FARS2: variants seen among roughly 807,000 people sequenced by gnomAD.
FARS2 encodes the protein phenylalanine--tRNA ligase, mitochondrial.
A neutral mutation model predicts 46.4 loss-of-function variants in FARS2; 40 were observed. That is an observed-to-expected ratio of 0.86 (90% CI 0.67 to 1.12). The LOEUF (loss-of-function observed/expected upper bound fraction) is 1.12, where lower values mean the gene tolerates loss of function less well. Among genes scored for constraint, FARS2 ranks in the 50% most tolerant of loss-of-function variants. The probability of loss-of-function intolerance (pLI) is 0.00; values close to 1 mark genes in which losing one functional copy is unlikely to be tolerated. For synonymous variants in FARS2, 234 were observed against 214.9 expected (o/e 1.09, Z -0.78); for missense variants, 513 against 567.9 (o/e 0.90, Z 0.98).
rs375460524 is a variant in FARS2 at position 5,369,109 on chromosome 6, G to A, written c.539G>A (p.Arg180His). ...CTGGTGGTGGGTGATGTCTACAGGC[G>A]TGACCAGATCGACTCCCAGCACTAC... The part of the protein sequence containing the change: ...AFLVVGDVYR[R>H]DQIDSQHYPI... The change falls in exon 2 of 7, where the codon CGT (arginine) becomes CAT (histidine). Residue 180 changes from arginine (R) to histidine (H), a missense_variant. By Grantham distance (29) the Arg-to-His change is conservative. Transcript: ENST00000274680. 9.9e-6 allele frequency: 16 copies of A among 1,613,550 alleles called. No individual in the cohort carries two copies. Among genetic ancestry groups the A allele is most frequent in the South Asian group, 8.8e-5 (8 of 91,068 alleles).
chr6:5,534,627 T>G (rs1275688587), intron 4 of FARS2, among the ~76,000 whole-genome samples: 1 of 152,220 alleles, frequency 6.6e-6, no homozygotes, highest in Non-Finnish European at 1.5e-5. Flanking sequence ...TTCCATTGTG[T>G]GTAAGTAACA....
intron 6 of FARS2, among the ~76,000 whole-genome samples, chr6:5,763,772 T>G (rs1051616560): frequency 3.3e-5 from 5 of 151,264 alleles, no homozygotes; most frequent in Non-Finnish European, 5.9e-5. Flanking sequence ...CTTTTGGTTT[T>G]TTTTTTTTTT....
intron 2 of FARS2, among the ~76,000 whole-genome samples, chr6:5,389,645 T>C (rs1482473674): frequency 6.6e-6 from 1 of 152,158 alleles, no homozygotes; most frequent in African/African-American, 2.4e-5. Flanking sequence ...GTGAAATTGG[T>C]GATACGGTAG....
In FARS2 at chr6:5,758,728, G is replaced by A. The variant is rs190676129; in HGVS notation, c.1218-12563G>A. Reference sequence around the variant, plus strand: ...ATTTGTAAATTCTGAGATGAGTTTGGGCAAATCGCTGTCTCTGGAAGCTTC... The same window carrying A: ...ATTTGTAAATTCTGAGATGAGTTTGAGCAAATCGCTGTCTCTGGAAGCTTC... On this transcript the variant is annotated intron_variant, in intron 6 of 6. Transcript: ENST00000274680. Among the ~76,000 whole-genome samples, 6 of 152,226 alleles carry A rather than the reference G, an allele frequency of 3.9e-5. No homozygotes were observed. In the East Asian group the frequency reaches 1.2e-3, roughly 29 times the overall value.
chr6:5,730,814 T>C lies in FARS2; in HGVS notation c.1218-40477T>C, dbSNP rs140771209. 1.8e-3 allele frequency among the ~76,000 whole-genome samples: 277 copies of C among 152,322 alleles called. 1 individual carries two copies. The highest frequency in any genetic ancestry group is 6.2e-3 in the African/African-American group (257 of 41,576). On this transcript the variant is annotated intron_variant, in intron 6 of 6. Coordinates refer to ENST00000274680, the MANE Select transcript of FARS2 (RefSeq NM_006567.5). ...AATGATGATTGCCAGTTCTACTGTG[T>C]GCTTATGTTTCAAGCACTGTTCTGA...
intron 2 of FARS2, among the ~76,000 whole-genome samples, chr6:5,392,591 C>T (rs888380459): frequency 6.6e-6 from 1 of 151,830 alleles, no homozygotes; most frequent in Non-Finnish European, 1.5e-5. Flanking sequence ...ACTTAGCCCA[C>T]CTGCTCTCTC....
At chr6:5,399,467 A>C (rs1040366594) in intron 2 of FARS2, among the ~76,000 whole-genome samples, 1 of 151,982 alleles carries the variant, frequency 6.6e-6, no homozygotes, top group Admixed American at 6.6e-5. Context: ...TCAGGATTTT[A>C]TTTTTAATGT....
intron 1 of FARS2, among the ~76,000 whole-genome samples, chr6:5,348,367 G>C (rs1757367565): frequency 6.6e-6 from 1 of 151,356 alleles, no homozygotes; most frequent in Non-Finnish European, 1.5e-5. Flanking sequence ...TAGGAGCTCT[G>C]CCTGCTTCTG....
chr6:5,564,271 G>A (rs186635871), intron 5 of FARS2, among the ~76,000 whole-genome samples: 6 of 152,160 alleles, frequency 3.9e-5, no homozygotes, highest in Admixed American at 2.0e-4. Context: ...TTCTCCTTTG[G>A]GGGTCTATGA....
chr6:5,374,936 C>T (rs956405449), intron 2 of FARS2, among the ~76,000 whole-genome samples: 12 of 152,130 alleles, frequency 7.9e-5, no homozygotes, highest in African/African-American at 2.9e-4. Context: ...AGGGAAACTT[C>T]CTTGACTTTA....
chr6:5,357,887 G>A (rs768155195), intron 1 of FARS2, among the ~76,000 whole-genome samples: 8 of 152,146 alleles, frequency 5.3e-5, no homozygotes, highest in East Asian at 3.8e-4. Context: ...ATGAAGAAAC[G>A]GCTTCATAGA....
chr6:5,669,630 A>T (rs989294040), intron 6 of FARS2, among the ~76,000 whole-genome samples: 1 of 152,112 alleles, frequency 6.6e-6, no homozygotes, highest in Non-Finnish European at 1.5e-5. Context: ...GTGTATTAGG[A>T]GAGGGCTCTG....
At chr6:5,305,422 G>T (rs1460464034) in intron 1 of FARS2, among the ~76,000 whole-genome samples, 2 of 152,196 alleles carry the variant, frequency 1.3e-5, no homozygotes, top group Non-Finnish European at 2.9e-5. Flanking sequence ...TTGTGTTGAA[G>T]TAGTGGGATC....
chr6:5,407,440 C>T (rs1160465430), intron 3 of FARS2, among the ~76,000 whole-genome samples: 2 of 151,972 alleles, frequency 1.3e-5, no homozygotes, highest in East Asian at 3.9e-4. Context: ...TTGCCAAACG[C>T]ATAGTTCATG....
At chr6:5,328,980 T>C (rs968038514) in intron 1 of FARS2, among the ~76,000 whole-genome samples, 7 of 152,104 alleles carry the variant, frequency 4.6e-5, no homozygotes, top group Non-Finnish European at 4.4e-5. Flanking sequence ...GGCTGAGCAG[T>C]TCGAGGGAGT....
At chr6:5,418,541 G>A (rs1762369680) in intron 3 of FARS2, among the ~76,000 whole-genome samples, 1 of 152,180 alleles carries the variant, frequency 6.6e-6, no homozygotes. Context: ...GGTCCTGTGT[G>A]AGCTCCAACT....
chr6:5,636,173 A>G (rs146725223), intron 6 of FARS2, among the ~76,000 whole-genome samples: 2,146 of 152,326 alleles, frequency 0.014, 31 homozygotes, highest in Middle Eastern at 0.037. Context: ...AAATGAAATT[A>G]TAACACTGGT....
At chr6:5,711,638 G>C (rs1279775049) in intron 6 of FARS2, among the ~76,000 whole-genome samples, 2 of 152,136 alleles carry the variant, frequency 1.3e-5, no homozygotes, top group East Asian at 1.9e-4. Context: ...CTAATCACAA[G>C]GGGAAAAAAT....
At chr6:5,401,071 T>C (rs1411822445) in intron 2 of FARS2, among the ~76,000 whole-genome samples, 3 of 152,088 alleles carry the variant, frequency 2.0e-5, no homozygotes, top group African/African-American at 7.2e-5. Context: ...ATCTTTTGTA[T>C]AGTTGAGTCA....
Sources: gnomAD v4.1 joint callset for allele counts (sites outside exome capture counted in the v4.1 genomes callset) on GRCh38, gnomAD v4.1.1 for gene constraint, MANE v1.5 for transcripts, NCBI Gene and HGNC (gene_info 2026-07-23, HGNC 2026-07-21) for gene names.